Variants in SLC25A48 observed in about 807,000 individuals in gnomAD.
SLC25A48 encodes the protein CTC-321K16.1.
Under a neutral mutation model 32.2 loss-of-function variants are expected in SLC25A48, and 29 were observed. That is an observed-to-expected ratio of 0.90 (90% CI 0.67 to 1.23). The LOEUF (loss-of-function observed/expected upper bound fraction) is 1.23, where lower values mean the gene tolerates loss of function less well. SLC25A48 is among the 50% of genes most tolerant of loss of function. SLC25A48 has a pLI of 0.00. For synonymous variants in SLC25A48, 164 were observed against 172.3 expected (o/e 0.95, Z 0.38); for missense variants, 399 against 422.7 (o/e 0.94, Z 0.49).
chr5:135,631,180 G>T (rs972321540), intron 2 of SLC25A48, among the ~76,000 whole-genome samples: 14 of 152,200 alleles, frequency 9.2e-5, no homozygotes, highest in African/African-American at 3.1e-4. Flanking sequence ...CTGAGCGTGG[G>T]GTTCTCCAGG....
At chr5:135,697,590 C>T (rs1405329120) in intron 3 of SLC25A48, among the ~76,000 whole-genome samples, 1 of 152,190 alleles carries the variant, frequency 6.6e-6, no homozygotes, top group Non-Finnish European at 1.5e-5. Context: ...CCCAACTGCA[C>T]ACTCTCATCC....
At chr5:135,775,301 CA>C (rs1255009474) in intron 3 of SLC25A48, among the ~76,000 whole-genome samples, 1 of 151,544 alleles carries the variant, frequency 6.6e-6, no homozygotes. Context: ...TTCTAACATA[CA>C]GGGGGGAAGA....
chr5:135,642,091 T>C (rs1322050389), intron 3 of SLC25A48, among the ~76,000 whole-genome samples: 1 of 152,260 alleles, frequency 6.6e-6, no homozygotes, highest in African/African-American at 2.4e-5. Flanking sequence ...ATGCCAAACC[T>C]ACTGGGAAGT....
chr5:135,710,063 T>C (rs539960118), intron 3 of SLC25A48, among the ~76,000 whole-genome samples: 1 of 152,288 alleles, frequency 6.6e-6, no homozygotes, highest in Admixed American at 6.5e-5. Context: ...AGTTGGCCAA[T>C]ATAAGCTGGT....
rs10063599 is a variant in SLC25A48, at chr5:135,848,030, G to A, written c.91-2395G>A. On this transcript the variant is annotated intron_variant, in intron 2 of 7. Transcript: ENST00000681962. ...TTTATATGATGGTCAGTATGCAGTT[G>A]GTGCATAATAAATGCCTTCTCCTGC... 6.2e-3 allele frequency among the ~76,000 whole-genome samples: 951 copies of A among 152,254 alleles called. 8 individuals are homozygous for A. Among genetic ancestry groups the A allele is most frequent in the African/African-American group, 0.022 (913 of 41,540 alleles).
At chr5:135,775,545 C>A (rs896139288) in intron 3 of SLC25A48, among the ~76,000 whole-genome samples, 1 of 151,622 alleles carries the variant, frequency 6.6e-6, no homozygotes. Context: ...GGGCTGTACA[C>A]CCCTCATGTG....
chr5:135,647,491 C>A (rs1324276570), intron 3 of SLC25A48, among the ~76,000 whole-genome samples: 1 of 148,660 alleles, frequency 6.7e-6, no homozygotes, highest in Non-Finnish European at 1.5e-5. Flanking sequence ...ATCTTGTCCC[C>A]AAATCTCTGT....
intron 3 of SLC25A48, among the ~76,000 whole-genome samples, chr5:135,640,776 C>T (rs1227180838): frequency 1.3e-5 from 2 of 152,012 alleles, no homozygotes; most frequent in Admixed American, 1.3e-4. Flanking sequence ...ACAGGAAAAG[C>T]ACTTGACAAA....
chr5:135,794,121 C>A (rs1223706478), intron 3 of SLC25A48, among the ~76,000 whole-genome samples: 1 of 151,820 alleles, frequency 6.6e-6, no homozygotes, highest in Non-Finnish European at 1.5e-5. Flanking sequence ...CTCAAGATAT[C>A]CCAGGGGATG....
chr5:135,869,073 T>C (rs897651291), intron 4 of SLC25A48, among the ~76,000 whole-genome samples: 3 of 152,224 alleles, frequency 2.0e-5, no homozygotes, highest in African/African-American at 4.8e-5. Flanking sequence ...TATTTGCTTA[T>C]TGTTAGCAAT....
chr5:135,852,485 G>C (rs747278684), intron 3 of SLC25A48, 78 bp from the exon 4 acceptor site: 76 of 1,510,512 alleles, frequency 5.0e-5, no homozygotes, highest in Non-Finnish European at 6.6e-5. Flanking sequence ...TGTGTCCGGT[G>C]GTGTACCCCG....
chr5:135,678,537 G>T, intron 3 of SLC25A48, among the ~76,000 whole-genome samples: 1 of 151,782 alleles, frequency 6.6e-6, no homozygotes. Context: ...ATTTATTTTT[G>T]ATTGAGATCT....
rs555545883 is a variant in SLC25A48, at chr5:135,655,214, T to C, written c.-521+20258T>C. ...GGGGAAGATTCCAAAACCCCGGCTT[T>C]GCTAAGAGTGCTTGCTGCAGGTGAG... On this transcript the variant is annotated intron_variant, in intron 3 of 10. Transcript: ENST00000646290. 3.2e-4 allele frequency among the ~76,000 whole-genome samples: 48 copies of C among 152,246 alleles called. 1 individual carries two copies. Among genetic ancestry groups the C allele is most frequent in the Non-Finnish European group, 5.7e-4 (39 of 68,022 alleles).
intron 3 of SLC25A48, among the ~76,000 whole-genome samples, chr5:135,681,773 A>G (rs1753902749): frequency 6.6e-6 from 1 of 152,268 alleles, no homozygotes; most frequent in Non-Finnish European, 1.5e-5. Flanking sequence ...ATTCAAGGCC[A>G]GAACAGCCTC....
At chr5:135,750,721 A>G (rs549890571) in intron 3 of SLC25A48, among the ~76,000 whole-genome samples, 1 of 152,200 alleles carries the variant, frequency 6.6e-6, no homozygotes, top group East Asian at 1.9e-4. Context: ...GGTAGCACAC[A>G]TGACCTCAAT....
chr5:135,852,954 T>C (rs866643748), intron 4 of SLC25A48, 133 bp downstream of exon 4: 1 of 1,212,940 alleles, frequency 8.2e-7, no homozygotes, highest in Middle Eastern at 2.9e-4. Flanking sequence ...AGTCCGTAAT[T>C]ACAGGCATAC....
chr5:135,595,749 A>C (rs115721622), intron 1 of SLC25A48, among the ~76,000 whole-genome samples: 241 of 152,354 alleles, frequency 1.6e-3, no homozygotes, highest in African/African-American at 5.7e-3. Context: ...TCATAGTGAT[A>C]TTGTGAAGAT....
chr5:135,658,539 G>T (rs1171187346), intron 3 of SLC25A48, among the ~76,000 whole-genome samples: 1 of 152,168 alleles, frequency 6.6e-6, no homozygotes, highest in Admixed American at 6.5e-5. Flanking sequence ...GGGGTCTGGA[G>T]GATTATGGCC....
intron 3 of SLC25A48, among the ~76,000 whole-genome samples, chr5:135,772,766 A>G (rs538012564): frequency 1.3e-5 from 2 of 151,686 alleles, no homozygotes; most frequent in South Asian, 2.1e-4. Flanking sequence ...CGTAATATCC[A>G]AGAGAGGAGA....
Sources: allele counts gnomAD v4.1 joint callset (sites outside exome capture counted in the v4.1 genomes callset), GRCh38; gene constraint gnomAD v4.1.1; transcripts MANE v1.5; gene names NCBI Gene and HGNC (gene_info 2026-07-23, HGNC 2026-07-21).